The following L3MBTL3 variants were observed in gnomAD, a reference collection of about 807,000 sequenced individuals.
The protein encoded by L3MBTL3 is L3MBTL histone methyl-lysine binding protein 3.
In L3MBTL3, 27 loss-of-function variants were observed where a neutral mutation model predicts 102.3. The observed-to-expected ratio is 0.26, with a 90% CI of 0.19 to 0.36. The LOEUF (loss-of-function observed/expected upper bound fraction) is 0.36. Among genes scored for constraint, L3MBTL3 ranks in the 10% least tolerant of loss-of-function variants. The pLI, the probability that L3MBTL3 is intolerant of heterozygous loss-of-function variation, is 1.00. For missense variants in L3MBTL3, 798 were observed against 955.3 expected (o/e 0.84, Z 2.17); for synonymous variants, 340 against 320.9 (o/e 1.06, Z -0.64).
At chr6:130,022,822 T>G (rs1779095919) in intron 2 of L3MBTL3, among the ~76,000 whole-genome samples, 1 of 152,192 alleles carries the variant, frequency 6.6e-6, no homozygotes, top group African/African-American at 2.4e-5. Flanking sequence ...TGCAGGGTTA[T>G]GAGTGAGTTT....
At chr6:130,120,738 TAGG>T in intron 19 of L3MBTL3, 138 bp from the exon 20 acceptor site, 1 of 613,008 alleles carries the variant, frequency 1.6e-6, no homozygotes, top group South Asian at 2.2e-5. Flanking sequence ...AATTGCCTTG[TAGG>T]AGAACTATAT....
chr6:130,063,476 GT>G (rs1782043646), intron 10 of L3MBTL3, among the ~76,000 whole-genome samples: 1 of 152,168 alleles, frequency 6.6e-6, no homozygotes, highest in Non-Finnish European at 1.5e-5. Flanking sequence ...ATTCGCAGTA[GT>G]TACGCTCCAC....
chr6:130,060,297 T>A (rs1213851217), intron 10 of L3MBTL3, among the ~76,000 whole-genome samples, 157 bp downstream of exon 10: 3 of 152,168 alleles, frequency 2.0e-5, no homozygotes, highest in Non-Finnish European at 4.4e-5. Flanking sequence ...CCTGTGCATG[T>A]TGTGGTTTTT....
intron 14 of L3MBTL3, among the ~76,000 whole-genome samples, 175 bp from the exon 15 acceptor site, chr6:130,083,445 T>A (rs1369784753): frequency 2.0e-5 from 3 of 151,912 alleles, no homozygotes; most frequent in Non-Finnish European, 4.4e-5. Context: ...AAAATAATGA[T>A]CAAGATGAAA....
chr6:130,106,674 T>C (rs1784997005), intron 19 of L3MBTL3, among the ~76,000 whole-genome samples: 1 of 152,166 alleles, frequency 6.6e-6, no homozygotes, highest in Non-Finnish European at 1.5e-5. Flanking sequence ...GCAGCAACGC[T>C]GGTCTTAGAA....
intron 16 of L3MBTL3, among the ~76,000 whole-genome samples, chr6:130,088,195 A>G (rs769938406): frequency 1.1e-4 from 17 of 152,152 alleles, no homozygotes; most frequent in Non-Finnish European, 2.4e-4. Context: ...ACAGTTGACA[A>G]TTATCTTTTG....
chr6:130,057,184 T>G (rs1280234175), intron 8 of L3MBTL3, among the ~76,000 whole-genome samples: 1 of 152,212 alleles, frequency 6.6e-6, no homozygotes, highest in Non-Finnish European at 1.5e-5. Flanking sequence ...TTCTAAGTAC[T>G]TCCACTTCCA....
intron 3 of L3MBTL3, among the ~76,000 whole-genome samples, chr6:130,046,556 C>A (rs879434002): frequency 3.9e-5 from 6 of 152,122 alleles, no homozygotes; most frequent in Non-Finnish European, 8.8e-5. Context: ...CATGTGCAGT[C>A]CCTTATATAT....
chr6:130,060,215 T>A, intron 10 of L3MBTL3, 75 bp downstream of exon 10: 1 of 817,548 alleles, frequency 1.2e-6, no homozygotes, highest in South Asian at 1.8e-5. Flanking sequence ...AAAACTGCCA[T>A]TGGTTGTATT....
intron 8 of L3MBTL3, among the ~76,000 whole-genome samples, chr6:130,056,228 C>G (rs1177492911): frequency 6.6e-6 from 1 of 151,902 alleles, no homozygotes; most frequent in African/African-American, 2.4e-5. Context: ...GTGCCTGGCC[C>G]TTTTTTTTGT....
At chr6:130,037,926 G>T (rs1780163245) in intron 2 of L3MBTL3, among the ~76,000 whole-genome samples, 1 of 151,680 alleles carries the variant, frequency 6.6e-6, no homozygotes, top group African/African-American at 2.4e-5. Flanking sequence ...TTTGTCTATT[G>T]CCTCCCTCCC....
At chr6:130,023,128 A>G (rs1226576552) in intron 2 of L3MBTL3, among the ~76,000 whole-genome samples, 3 of 152,048 alleles carry the variant, frequency 2.0e-5, no homozygotes, top group African/African-American at 7.2e-5. Flanking sequence ...TGTCTTGAGT[A>G]ATAAAGGGGT....
At position 130,120,765 on chromosome 6, in the gene L3MBTL3, C is replaced by G. The variant is rs139049790; in HGVS notation, c.1887-114C>G. On this transcript the variant is annotated intron_variant, in intron 19 of 22. Transcript: ENST00000361794. Reference sequence around the variant, plus strand: ...GGAGAACTATATATCCTTTCTAACACTTTAGTAGCATCCTTTGGTTTAAAA... The same window carrying G: ...GGAGAACTATATATCCTTTCTAACAGTTTAGTAGCATCCTTTGGTTTAAAA... 973 of 783,608 alleles carry G rather than the reference C, an allele frequency of 1.2e-3. 10 individuals are homozygous for G. In the East Asian group the frequency reaches 0.018, roughly 15 times the overall value. 48.5% of individuals were successfully genotyped at this position (783,608 alleles called of 1,614,324 possible).
In L3MBTL3 at chr6:130,057,488, G is replaced by T; in HGVS notation, c.750G>T (p.Leu250=). The T allele has an allele frequency of 6.2e-7, 1 of 1,607,466 alleles. No homozygotes were observed. Among genetic ancestry groups the T allele is most frequent in the Non-Finnish European group, 8.5e-7 (1 of 1,177,658 alleles). ...AAGCGGTGGCAGTGCCGGCGAAGCT[G>T]TTCAAGGAGGTACGGGCCCTTCTAG... ...EEKAVAVPAK[L]FKEHQSFPYN... The change falls in exon 9 of 23, where the codon CTG becomes CTT. Residue 250 remains leucine, a synonymous_variant. Coordinates refer to ENST00000361794, the MANE Select transcript of L3MBTL3 (RefSeq NM_032438.4).
intron 13 of L3MBTL3, among the ~76,000 whole-genome samples, chr6:130,071,490 AATCCTTGCAGTTTTTAGAT>A (rs1183489587): frequency 6.6e-6 from 1 of 152,142 alleles, no homozygotes; most frequent in Admixed American, 6.5e-5. Context: ...TATTATTTTT[AATCCTTGCAGTTTTTAGAT>A]ATCCTGCACA....
chr6:130,023,887 A>C (rs1206825954), intron 2 of L3MBTL3, among the ~76,000 whole-genome samples: 2 of 152,206 alleles, frequency 1.3e-5, no homozygotes, highest in Admixed American at 6.5e-5. Flanking sequence ...CTTGAGAAAA[A>C]AGTAGTTTCC....
chr6:130,048,191 C>G (rs979023257), intron 3 of L3MBTL3, among the ~76,000 whole-genome samples: 3 of 152,126 alleles, frequency 2.0e-5, no homozygotes, highest in Non-Finnish European at 4.4e-5. Flanking sequence ...TTGACTAAAT[C>G]GATTTTTTCG....
intron 10 of L3MBTL3, 50 bp downstream of exon 10, chr6:130,060,190 G>T (rs1284189505): frequency 4.4e-6 from 5 of 1,139,700 alleles, no homozygotes; most frequent in Non-Finnish European, 6.3e-6. Flanking sequence ...TGATTATGGG[G>T]ATTTAAAATG....
chr6:130,115,939 T>G (rs1406730595), intron 19 of L3MBTL3, among the ~76,000 whole-genome samples: 1 of 152,214 alleles, frequency 6.6e-6, no homozygotes, highest in Non-Finnish European at 1.5e-5. Flanking sequence ...GTGGGTGCAT[T>G]TAATCTTCAT....
Sources: gnomAD v4.1 joint callset for allele counts (sites outside exome capture counted in the v4.1 genomes callset) on GRCh38, gnomAD v4.1.1 for gene constraint, MANE v1.5 for transcripts, NCBI Gene and HGNC (gene_info 2026-07-23, HGNC 2026-07-21) for gene names.